Variants in FAR2 observed in about 807,000 individuals in gnomAD.
FAR2 encodes the protein fatty acyl-CoA reductase 2, also known as epididymis secretory protein Li 81.
FAR2 carries 19 observed loss-of-function variants against 56.0 expected under a neutral mutation model. That is an observed-to-expected ratio of 0.34 (90% CI 0.24 to 0.50). The LOEUF is 0.50. FAR2 is among the 20% of genes least tolerant of loss of function. The pLI is 0.98. For missense variants in FAR2, 508 were observed against 642.2 expected, an observed-to-expected ratio of 0.79 and a Z score of 2.26; for synonymous variants, 219 against 218.8, an observed-to-expected ratio of 1.00 and a Z score of -0.01.
chr12:29,227,259 C>T (rs73077591), intron 1 of FAR2, among the ~76,000 whole-genome samples: 2,484 of 152,152 alleles, frequency 0.016, 57 homozygotes, highest in African/African-American at 0.049. Context: ...TTTTGACTAG[C>T]AATTTTAAAA....
At position 29,332,463 on chromosome 12, in the gene FAR2, A is replaced by C. The variant is rs978168534; in HGVS notation, c.1258-137A>C. On this transcript the variant is annotated intron_variant, in intron 10 of 11. Transcript: ENST00000536681. ...GTACCTTTGAAATAATGACTCAAAT[A>C]ATCTCTCCTTTGGAGAGGGTCCAAC... The C allele has an allele frequency of 2.2e-5, 26 of 1,183,040 alleles. No individual in the cohort carries two copies. In the African/African-American group the frequency reaches 3.9e-4, roughly 18 times the overall value. The allele number at this position is 1,183,040 out of a possible 1,614,324, so 73.3% of individuals were successfully genotyped here.
chr12:29,332,555 C>A (rs948672612), intron 10 of FAR2, 45 bp from the exon 11 acceptor site: 5 of 1,611,280 alleles, frequency 3.1e-6, no homozygotes, highest in Non-Finnish European at 4.2e-6. Flanking sequence ...AAGTGACTGT[C>A]CAGCACTGCA....
chr12:29,204,585 T>C (rs1363114232), intron 1 of FAR2, among the ~76,000 whole-genome samples: 1 of 152,152 alleles, frequency 6.6e-6, no homozygotes, highest in Non-Finnish European at 1.5e-5. Context: ...CTTAGTCCAA[T>C]CTTGCACTGC....
rs7137604 is a variant in FAR2 at position 29,300,407 on chromosome 12, A to C, written c.545+3207A>C. Among the ~76,000 whole-genome samples, 699 of 152,328 alleles carry C rather than the reference A, an allele frequency of 4.6e-3. 9 individuals carry two copies. The highest frequency in any genetic ancestry group is 0.016 in the African/African-American group (668 of 41,576). Reference sequence around the variant, plus strand: ...TCCTATACCAGATGGAATTTTTGGAAGTTTTAGAATAACAACATTAAAAAT... The same window carrying C: ...TCCTATACCAGATGGAATTTTTGGACGTTTTAGAATAACAACATTAAAAAT... On this transcript the variant is annotated intron_variant, in intron 4 of 11. Coordinates refer to ENST00000536681, the MANE Select transcript of FAR2 (RefSeq NM_001271783.2).
chr12:29,190,213 C>T (rs1341829478), intron 1 of FAR2, among the ~76,000 whole-genome samples: 3 of 151,676 alleles, frequency 2.0e-5, no homozygotes, highest in East Asian at 1.9e-4. Context: ...GGAGCTCCTG[C>T]GAGGAGTCTG....
intron 1 of FAR2, among the ~76,000 whole-genome samples, chr12:29,231,051 G>A (rs1205239382): frequency 6.6e-6 from 1 of 152,210 alleles, no homozygotes; most frequent in East Asian, 1.9e-4. Flanking sequence ...GCACTTTGGA[G>A]ATTTCAGCCC....
intron 8 of FAR2, among the ~76,000 whole-genome samples, chr12:29,313,706 AT>A (rs1422761625): frequency 3.3e-5 from 5 of 152,082 alleles, no homozygotes; most frequent in African/African-American, 2.4e-5. Flanking sequence ...AATTTTTCAC[AT>A]TACATCAATT....
chr12:29,306,310 C>A (rs533944991), intron 4 of FAR2, among the ~76,000 whole-genome samples: 1 of 152,178 alleles, frequency 6.6e-6, no homozygotes, highest in African/African-American at 2.4e-5. Flanking sequence ...CCAGAACACA[C>A]TCAGCACTAA....
chr12:29,158,559 A>G (rs900252276), intron 1 of FAR2, among the ~76,000 whole-genome samples: 10 of 152,222 alleles, frequency 6.6e-5, no homozygotes, highest in Admixed American at 3.9e-4. Context: ...GCCGGAGGCA[A>G]TGGTTATGCA....
chr12:29,283,464 A>G (rs1431697217), intron 2 of FAR2, among the ~76,000 whole-genome samples: 1 of 152,252 alleles, frequency 6.6e-6, no homozygotes, highest in African/African-American at 2.4e-5. Flanking sequence ...CAGTGGAAGA[A>G]AAGAAACACC....
At chr12:29,314,432 C>T (rs199556329) in intron 8 of FAR2, among the ~76,000 whole-genome samples, 6 of 143,950 alleles carry the variant, frequency 4.2e-5, no homozygotes, top group African/African-American at 5.1e-5. Context: ...CCCTGTAGAT[C>T]TTTTTTTTTT....
chr12:29,228,803 G>T (rs1311423441), intron 1 of FAR2, among the ~76,000 whole-genome samples: 1 of 152,158 alleles, frequency 6.6e-6, no homozygotes, highest in South Asian at 2.1e-4. Flanking sequence ...GGCCAGGCTG[G>T]TCTCAAACTC....
chr12:29,324,269 T>G (rs1949605349), intron 10 of FAR2, among the ~76,000 whole-genome samples: 1 of 152,196 alleles, frequency 6.6e-6, no homozygotes, highest in South Asian at 2.1e-4. Context: ...AATCTACGTC[T>G]GATTGGTGTA....
intron 1 of FAR2, among the ~76,000 whole-genome samples, chr12:29,221,463 G>C (rs996717830): frequency 4.6e-5 from 7 of 152,046 alleles, no homozygotes; most frequent in African/African-American, 1.4e-4. Context: ...GATATATTTG[G>C]AAAACTAAAG....
intron 3 of FAR2, among the ~76,000 whole-genome samples, chr12:29,294,063 A>C (rs1241942678): frequency 1.3e-5 from 2 of 152,208 alleles, no homozygotes; most frequent in Non-Finnish European, 2.9e-5. Context: ...CTCTCCAAAA[A>C]TGTGGTGTCC....
intron 8 of FAR2, among the ~76,000 whole-genome samples, chr12:29,312,627 T>C (rs1173866345): frequency 6.6e-6 from 1 of 152,144 alleles, no homozygotes; most frequent in Non-Finnish European, 1.5e-5. Context: ...ATACAAATGA[T>C]TGATCTGTCT....
chr12:29,219,532 G>C (rs141266000), intron 1 of FAR2, among the ~76,000 whole-genome samples: 97 of 152,140 alleles, frequency 6.4e-4, no homozygotes, highest in Middle Eastern at 3.4e-3. Flanking sequence ...CTGTACATCA[G>C]CACCTAGATG....
At chr12:29,277,886 T>C (rs139039529) in intron 2 of FAR2, 13 of 152,072 alleles carry the variant, frequency 8.5e-5, no homozygotes, top group Admixed American at 6.5e-4. Flanking sequence ...TTTGGTGCTA[T>C]AGTAATTGTT....
chr12:29,222,556 A>G (rs1947708050), intron 1 of FAR2, among the ~76,000 whole-genome samples: 1 of 152,010 alleles, frequency 6.6e-6, no homozygotes, highest in Non-Finnish European at 1.5e-5. Flanking sequence ...CTTGATATCT[A>G]GAGTGATATT....
Sources: allele counts gnomAD v4.1 joint callset (sites outside exome capture counted in the v4.1 genomes callset), GRCh38; gene constraint gnomAD v4.1.1; transcripts MANE v1.5; gene names NCBI Gene and HGNC (gene_info 2026-07-23, HGNC 2026-07-21).